PABPC4L: variants seen among roughly 807,000 people sequenced by gnomAD.
PABPC4L encodes the protein polyadenylate-binding protein 4-like.
For missense variants in PABPC4L, 452 were observed against 451.4 expected (o/e 1.00, Z -0.01); for synonymous variants, 169 against 164.1 (o/e 1.03, Z -0.23).
chr4:134,038,612 G>A, the PABPC4L span, among the ~76,000 whole-genome samples: 46 of 152,090 alleles, frequency 3.0e-4, 1 homozygote, highest in African/African-American at 1.1e-3. Context: ...TTTGTGTAGA[G>A]GTGTTTATAG....
the PABPC4L span, among the ~76,000 whole-genome samples, chr4:134,105,987 C>T: frequency 1.3e-5 from 2 of 151,592 alleles, no homozygotes; most frequent in Admixed American, 6.6e-5. Context: ...ATAAATTTTT[C>T]TAGATAGTGA....
chr4:134,082,950 G>A, the PABPC4L span, among the ~76,000 whole-genome samples: 1 of 152,130 alleles, frequency 6.6e-6, no homozygotes, highest in East Asian at 1.9e-4. Context: ...AACTTTGGAA[G>A]CCCTTCTCTG....
the PABPC4L span, among the ~76,000 whole-genome samples, chr4:134,105,837 T>G: frequency 6.6e-6 from 1 of 151,848 alleles, no homozygotes; most frequent in South Asian, 2.1e-4. Context: ...AGAAGAAAAT[T>G]ATGTGATTCA....
chr4:134,150,245 G>C, the PABPC4L span, among the ~76,000 whole-genome samples: 1 of 151,438 alleles, frequency 6.6e-6, no homozygotes, highest in African/African-American at 2.4e-5. Context: ...CACCATGCTC[G>C]GCTAATTTTT....
At chr4:134,018,510 C>T in the PABPC4L span, among the ~76,000 whole-genome samples, 1 of 152,132 alleles carries the variant, frequency 6.6e-6, no homozygotes, top group Non-Finnish European at 1.5e-5. Context: ...CACCCTCTTA[C>T]CTCCACCCAC....
At chr4:134,115,277 G>T in the PABPC4L span, among the ~76,000 whole-genome samples, 1 of 151,800 alleles carries the variant, frequency 6.6e-6, no homozygotes, top group African/African-American at 2.4e-5. Context: ...ATAGTGATGA[G>T]GCAAACTTGG....
At chr4:134,131,652 T>A in the PABPC4L span, among the ~76,000 whole-genome samples, 1 of 114,496 alleles carries the variant, frequency 8.7e-6, no homozygotes, top group African/African-American at 3.4e-5. Flanking sequence ...GCAATTTGCA[T>A]CAAAATACCA....
chr4:134,068,946 G>T, the PABPC4L span, among the ~76,000 whole-genome samples: 937 of 152,172 alleles, frequency 6.2e-3, 6 homozygotes, highest in African/African-American at 0.021. Flanking sequence ...CTGACCTCAG[G>T]TGATCCAACC....
chr4:134,099,858 G>A, the PABPC4L span, among the ~76,000 whole-genome samples: 19 of 151,600 alleles, frequency 1.3e-4, no homozygotes, highest in African/African-American at 4.6e-4. Context: ...AATAGAAACC[G>A]GCAGCAATTC....
the PABPC4L span, among the ~76,000 whole-genome samples, chr4:134,046,097 C>T: frequency 6.6e-6 from 1 of 152,040 alleles, no homozygotes; most frequent in Admixed American, 6.6e-5. Flanking sequence ...ACAGTGGGCC[C>T]AGGGGACCGG....
chr4:134,152,127 G>T, the PABPC4L span, among the ~76,000 whole-genome samples: 102,049 of 151,534 alleles, frequency 0.67, 35,314 homozygotes, highest in East Asian at 1. Flanking sequence ...GATATTTATT[G>T]TAACTATTTT....
chr4:134,108,844 G>A, the PABPC4L span, among the ~76,000 whole-genome samples: 1 of 151,816 alleles, frequency 6.6e-6, no homozygotes, highest in Non-Finnish European at 1.5e-5. Flanking sequence ...TATAAAGACA[G>A]TAAGGAGGAC....
rs763949539 is a variant in PABPC4L at position 134,200,836 on chromosome 4, C to T, written c.184G>A (p.Ala62Thr). 3.9e-6 allele frequency: 6 copies of T among 1,558,340 alleles called. No individual in the cohort carries two copies. The African/African-American group carries it at 8.2e-5, about 21-fold the overall frequency. ...GYAYVNFLQL[A>T]DAQKALDTMN... ...GTGTCCAGCGCCTTCTGGGCATCAG[C>T]CAGCTGCAAGAAGTTCACGTAGGCA... Residue 62 changes from alanine to threonine, a missense_variant, in exon 2 of 2, where the codon GCT (alanine) becomes ACT (threonine). Coordinates refer to ENST00000421491, the MANE Select transcript of PABPC4L (RefSeq NM_001114734.2).
the PABPC4L span, among the ~76,000 whole-genome samples, chr4:134,146,989 T>C: frequency 0.7 from 105,675 of 151,942 alleles, 38,101 homozygotes; most frequent in East Asian, 1. Context: ...TTGTCTGTCT[T>C]CTGTCACTAT....
chr4:134,113,487 C>G, the PABPC4L span, among the ~76,000 whole-genome samples: 2 of 151,850 alleles, frequency 1.3e-5, no homozygotes, highest in African/African-American at 4.8e-5. Context: ...AGGTTTTTAA[C>G]CTAGAAACAA....
At chr4:134,195,879 A>T (rs958298772), downstream of PABPC4L, among the ~76,000 whole-genome samples, 1 of 151,736 alleles carries the variant, frequency 6.6e-6, no homozygotes, top group African/African-American at 2.4e-5. Context: ...GTACACATGC[A>T]CTTGGGAGAT....
chr4:134,059,101 G>A, the PABPC4L span, among the ~76,000 whole-genome samples: 3 of 151,964 alleles, frequency 2.0e-5, no homozygotes, highest in Non-Finnish European at 4.4e-5. Context: ...TATCAGAACA[G>A]TAGAAATTCC....
At chr4:133,970,251 T>C in the PABPC4L span, among the ~76,000 whole-genome samples, 1 of 152,044 alleles carries the variant, frequency 6.6e-6, no homozygotes, top group Non-Finnish European at 1.5e-5. Context: ...CTGCCATCTC[T>C]GGCCAATTTC....
chr4:134,091,908 A>G, the PABPC4L span, among the ~76,000 whole-genome samples: 1 of 152,116 alleles, frequency 6.6e-6, no homozygotes, highest in Non-Finnish European at 1.5e-5. Flanking sequence ...CAGTTTGCAA[A>G]TATTCCATTT....
Sources: allele counts gnomAD v4.1 joint callset (sites outside exome capture counted in the v4.1 genomes callset), GRCh38; gene constraint gnomAD v4.1.1; transcripts MANE v1.5; gene names NCBI Gene and HGNC (gene_info 2026-07-23, HGNC 2026-07-21).